PCMT1: variants seen among roughly 807,000 people sequenced by gnomAD.
PCMT1 encodes the protein protein-L-isoaspartate(D-aspartate) O-methyltransferase.
A neutral mutation model predicts 29.2 loss-of-function variants in PCMT1; 9 were observed. The observed-to-expected ratio is 0.31, with a 90% confidence interval of 0.19 to 0.54. PCMT1 has a LOEUF of 0.54. PCMT1 is among the 20% of genes least tolerant of loss of function. The pLI, the probability that PCMT1 is intolerant of heterozygous loss-of-function variation, is 0.95. For synonymous variants in PCMT1, 98 were observed against 97.5 expected, an observed-to-expected ratio of 1.00 and a Z score of -0.03; for missense variants, 184 against 282.2, an observed-to-expected ratio of 0.65 and a Z score of 2.49.
intron 1 of PCMT1, among the ~76,000 whole-genome samples, chr6:149,759,652 A>T (rs1786662611): frequency 1.3e-5 from 2 of 151,908 alleles, no homozygotes; most frequent in Admixed American, 1.3e-4. Context: ...CTGCCACCAC[A>T]TCTGGCTAAT....
intron 3 of PCMT1, among the ~76,000 whole-genome samples, chr6:149,789,025 C>T (rs1436313351): frequency 6.7e-6 from 1 of 149,904 alleles, no homozygotes; most frequent in Non-Finnish European, 1.5e-5. Flanking sequence ...TTTTTATCAA[C>T]CAAGATCTGG....
At chr6:149,803,548 AGAGT>A (rs1461274913) in intron 7 of PCMT1, among the ~76,000 whole-genome samples, 1 of 151,320 alleles carries the variant, frequency 6.6e-6, no homozygotes, top group Admixed American at 6.8e-5. Flanking sequence ...TCCATGAGAG[AGAGT>A]GACATCAGTA....
intron 1 of PCMT1, among the ~76,000 whole-genome samples, chr6:149,757,524 G>C (rs2115201289): frequency 6.6e-6 from 1 of 152,292 alleles, no homozygotes; most frequent in Non-Finnish European, 1.5e-5. Context: ...GTGCTTTGAA[G>C]GGATGGAGGT....
intron 1 of PCMT1, among the ~76,000 whole-genome samples, chr6:149,751,938 G>C (rs1159598935): frequency 6.6e-6 from 1 of 150,702 alleles, no homozygotes; most frequent in Non-Finnish European, 1.5e-5. Flanking sequence ...AGTGGTGTGA[G>C]CTCGGCTCAC....
intron 2 of PCMT1, chr6:149,772,595 A>G: frequency 2.2e-6 from 1 of 456,212 alleles, no homozygotes; most frequent in Non-Finnish European, 4.4e-6. Context: ...GCCGTACTTT[A>G]GAGGGACTGT....
intron 3 of PCMT1, among the ~76,000 whole-genome samples, chr6:149,789,071 T>C (rs1376685836): frequency 7.0e-6 from 1 of 142,146 alleles, no homozygotes; most frequent in Non-Finnish European, 1.5e-5. Flanking sequence ...ATCTGATTTT[T>C]TTTTTTTTTT....
intron 7 of PCMT1, among the ~76,000 whole-genome samples, chr6:149,804,080 CAAAAAAA>C (rs58975454): frequency 1.5e-4 from 12 of 77,510 alleles, no homozygotes; most frequent in East Asian, 9.7e-4. Flanking sequence ...GACTCTGTCT[CAAAAAAA>C]AAAAAAAAAA....
At chr6:149,759,262 A>G (rs1018227992) in intron 1 of PCMT1, among the ~76,000 whole-genome samples, 18 of 152,306 alleles carry the variant, frequency 1.2e-4, no homozygotes, top group African/African-American at 4.3e-4. Context: ...AGCATCTATC[A>G]TGCCTAATCA....
intron 7 of PCMT1, among the ~76,000 whole-genome samples, chr6:149,803,134 G>A (rs1259055060): frequency 6.6e-6 from 1 of 150,796 alleles, no homozygotes; most frequent in South Asian, 2.1e-4. Context: ...GGAGAAAGAA[G>A]GGGAAAGATA....
chr6:149,805,322 A>C (rs568007402), intron 7 of PCMT1, among the ~76,000 whole-genome samples: 12 of 152,180 alleles, frequency 7.9e-5, no homozygotes, highest in Admixed American at 7.2e-4. Context: ...GGCTGGGCGC[A>C]GTGGCTCACG....
chr6:149,769,047 A>G (rs1787203834), intron 1 of PCMT1, among the ~76,000 whole-genome samples: 1 of 152,060 alleles, frequency 6.6e-6, no homozygotes, highest in Admixed American at 6.6e-5. Flanking sequence ...TCCCTGGCAC[A>G]TTTTCTTAGA....
At chr6:149,765,130 C>T (rs1485636740) in intron 1 of PCMT1, among the ~76,000 whole-genome samples, 1 of 149,716 alleles carries the variant, frequency 6.7e-6, no homozygotes, top group Non-Finnish European at 1.5e-5. Flanking sequence ...GAGGCCGAGG[C>T]GGGCGGATCC....
At chr6:149,750,260 A>G in intron 1 of PCMT1, 1 of 380,132 alleles carries the variant, frequency 2.6e-6, no homozygotes, top group Non-Finnish European at 4.7e-6. Context: ...TGCTGCTGTC[A>G]CTCAGGTCCG....
intron 1 of PCMT1, among the ~76,000 whole-genome samples, chr6:149,770,637 C>T (rs9689694): frequency 0.52 from 74,871 of 142,880 alleles, 22,015 homozygotes; most frequent in East Asian, 0.82. Flanking sequence ...ACCTGGGAGG[C>T]GGAGGTTGCA....
At chr6:149,807,867 A>G (rs1048778250) in intron 7 of PCMT1, among the ~76,000 whole-genome samples, 47 of 152,176 alleles carry the variant, frequency 3.1e-4, no homozygotes, top group South Asian at 2.1e-4. Context: ...AAGGGATCCA[A>G]TTGATCCCGT....
chr6:149,778,033 A>T, intron 3 of PCMT1, among the ~76,000 whole-genome samples: 2 of 149,170 alleles, frequency 1.3e-5, no homozygotes, highest in African/African-American at 2.5e-5. Flanking sequence ...TACACCACCA[A>T]GCCTGGCTAA....
chr6:149,752,687 G>A (rs1480938616), intron 1 of PCMT1, among the ~76,000 whole-genome samples: 1 of 152,126 alleles, frequency 6.6e-6, no homozygotes, highest in African/African-American at 2.4e-5. Context: ...GCCTTCTATT[G>A]CAGTATATGT....
At chr6:149,779,108 T>C (rs574093329) in intron 3 of PCMT1, among the ~76,000 whole-genome samples, 2 of 152,228 alleles carry the variant, frequency 1.3e-5, no homozygotes, top group African/African-American at 4.8e-5. Flanking sequence ...CCCTCCTCTA[T>C]GCGCAGAGAG....
rs1583053879 is a variant in PCMT1 at position 149,797,336 on chromosome 6, G to A, written c.504+836G>A. 3 of 152,172 alleles carry A rather than the reference G, an allele frequency of 2.0e-5. No individual in the cohort carries two copies. In the East Asian group the frequency reaches 5.8e-4, roughly 29 times the overall value. The allele number at this position is 152,172 out of a possible 1,614,324, so 9.4% of individuals were successfully genotyped here. A position where few individuals can be genotyped will look rare whatever the true frequency, so the allele number is the denominator to read the frequency against. On this transcript the variant is annotated intron_variant, in intron 6 of 7. Coordinates refer to ENST00000464889, the MANE Select transcript of PCMT1 (RefSeq NM_001360452.2). ...CATATGAGGGAGAGAATTGTGCAGT[G>A]AGTGGTCAAGGAGACATCACACACG...
Sources: allele counts gnomAD v4.1 joint callset (sites outside exome capture counted in the v4.1 genomes callset), GRCh38; gene constraint gnomAD v4.1.1; transcripts MANE v1.5; gene names NCBI Gene and HGNC (gene_info 2026-07-23, HGNC 2026-07-21).